The following SDK2 variants were observed in gnomAD, a reference collection of about 807,000 sequenced individuals.
SDK2 encodes sidekick cell adhesion molecule 2.
SDK2 carries 105 observed loss-of-function variants against 253.9 expected under a neutral mutation model. That is an observed-to-expected ratio of 0.41 (90% confidence interval 0.35 to 0.49). The LOEUF (loss-of-function observed/expected upper bound fraction) is 0.49. SDK2 is among the 20% of genes least tolerant of loss of function. The pLI is 0.06. For synonymous variants in SDK2, 1,249 were observed against 1,234.9 expected (o/e 1.01, Z -0.24); for missense variants, 2,608 against 3,003.0 (o/e 0.87, Z 3.07).
chr17:73,538,899 C>T (rs2044822208), intron 1 of SDK2, among the ~76,000 whole-genome samples: 2 of 152,176 alleles, frequency 1.3e-5, no homozygotes, highest in African/African-American at 2.4e-5. Context: ...GACTCCCTTG[C>T]CTTGGGCCTA....
intron 1 of SDK2, among the ~76,000 whole-genome samples, chr17:73,516,280 G>GGGAGAT (rs1395863941): frequency 1.8e-4 from 27 of 152,242 alleles, no homozygotes; most frequent in Admixed American, 5.9e-4. Flanking sequence ...AAACCCAGGT[G>GGGAGAT]GGAGATGGTA....
In SDK2 at chr17:73,507,549, T is replaced by G. The variant is rs780537294; in HGVS notation, c.113A>C (p.His38Pro). 3.2e-6 allele frequency: 5 copies of G among 1,551,714 alleles called. No individual in the cohort carries two copies. In the South Asian group the frequency reaches 5.9e-5, roughly 18 times the overall value. Residue 38 changes from histidine (H) to proline (P), a missense_variant, in exon 2 of 45, where the codon CAC becomes CCC. Physicochemically the swap from His to Pro is moderately conservative, Grantham distance 77. Coordinates refer to ENST00000392650, the MANE Select transcript of SDK2 (RefSeq NM_001144952.2). ...FKTEPVRTQV[H>P]LEGNRLVLTC... is the part of the protein sequence containing the mutation. ...AAGCACCAGGCGGTTTCCTTCCAAG[T>G]GCACCTGTGTCCGCACAGGCTCTGT... is the stretch of plus-strand genomic sequence containing the variant.
At chr17:73,504,631 CAAAAAAAAAA>C (rs146981971) in intron 2 of SDK2, among the ~76,000 whole-genome samples, 2 of 47,030 alleles carry the variant, frequency 4.3e-5, no homozygotes, top group South Asian at 9.5e-4. Context: ...GACTCTGTCT[CAAAAAAAAAA>C]AAAAAAAAAA....
chr17:73,449,717 T>C (rs1267548804), intron 4 of SDK2, among the ~76,000 whole-genome samples: 1 of 150,654 alleles, frequency 6.6e-6, no homozygotes, highest in Non-Finnish European at 1.5e-5. Flanking sequence ...GGTCGGGGGT[T>C]CGAGACCATA....
At position 73,402,094 on chromosome 17, in the gene SDK2, G is replaced by T; in HGVS notation, c.2532C>A (p.Thr844=). ...TGCTGTCTTGAAAGTTAGGCCGGGC[G>T]GTCACCATGGTAACCTCCTCTTCCT... ...PEQEEEVTMV[T]ARPNFQDSIH... Residue 844 remains threonine, a synonymous_variant, in exon 19 of 45, where the codon ACC becomes ACA. Transcript: ENST00000392650. 6.2e-7 allele frequency: 1 copy of T among 1,614,018 alleles called. No individual in the cohort carries two copies. The highest frequency in any genetic ancestry group is 1.3e-5 in the African/African-American group (1 of 75,062).
intron 16 of SDK2, 89 bp from the exon 17 acceptor site, chr17:73,416,081 A>T: frequency 8.0e-7 from 1 of 1,246,850 alleles, no homozygotes; most frequent in Non-Finnish European, 1.1e-6. Flanking sequence ...GCTGTCCAAT[A>T]GGACTTCCGG....
intron 4 of SDK2, among the ~76,000 whole-genome samples, chr17:73,453,668 C>T (rs1030409569): frequency 1.3e-5 from 2 of 152,146 alleles, no homozygotes; most frequent in African/African-American, 4.8e-5. Context: ...TGAGCCACTG[C>T]ACCTGGCCCA....
chr17:73,597,618 TTC>T (rs2045778170), intron 1 of SDK2, among the ~76,000 whole-genome samples: 1 of 151,996 alleles, frequency 6.6e-6, no homozygotes, highest in Non-Finnish European at 1.5e-5. Context: ...CATAGGAGTT[TTC>T]ACTGTGTGCT....
chr17:73,489,253 C>T lies in SDK2; in HGVS notation c.225-17035G>A, dbSNP rs547043930. Reference sequence around the variant, plus strand: ...TCCATTCATTTCCTGTTGCTACCCACGAAGACAATAGTGGTCAGTTCCCTG... The same window carrying T: ...TCCATTCATTTCCTGTTGCTACCCATGAAGACAATAGTGGTCAGTTCCCTG... On this transcript the variant is annotated intron_variant, in intron 2 of 44. Coordinates refer to ENST00000392650, the MANE Select transcript of SDK2 (RefSeq NM_001144952.2). 2.8e-4 allele frequency among the ~76,000 whole-genome samples: 42 copies of T among 152,276 alleles called. No individual in the cohort carries two copies. The Middle Eastern group carries it at 0.014, about 49-fold the overall frequency.
In SDK2 at chr17:73,393,611, C is replaced by T. The variant is rs756858098; in HGVS notation, c.3847G>A (p.Gly1283Arg). Residue 1283 changes from glycine (G) to arginine (R), a missense_variant, in exon 27 of 45, where the codon GGG (glycine) becomes AGG (arginine). By Grantham distance (125) the Gly-to-Arg change is moderately radical. This residue lies in a region of SDK2 where 1,505 missense variants were observed against 1,859.1 expected (regional missense o/e 0.81). Transcript: ENST00000392650. ...EVQVLAFTRIGDGSPSHPPIL... is the reference protein window; with the variant it reads ...EVQVLAFTRIRDGSPSHPPIL... ...GGAGGGTGGCTGGGGCTGCCGTCCC[C>T]GATGCGTGTGAAGGCCAGCACCTGG... 4.4e-6 allele frequency: 7 copies of T among 1,587,064 alleles called. No homozygotes were observed. The highest frequency in any genetic ancestry group is 6.0e-6 in the Non-Finnish European group (7 of 1,160,894).
At position 73,395,782 on chromosome 17, in the gene SDK2, G is replaced by A. The variant is rs1053746513; in HGVS notation, c.3355-390C>T. Among the ~76,000 whole-genome samples, 11 of 152,172 alleles carry A rather than the reference G, an allele frequency of 7.2e-5. No homozygotes were observed. Among genetic ancestry groups the A allele is most frequent in the Non-Finnish European group, 1.3e-4 (9 of 68,034 alleles). On this transcript the variant is annotated intron_variant, in intron 24 of 44. Coordinates refer to ENST00000392650, the MANE Select transcript of SDK2 (RefSeq NM_001144952.2). The surrounding 1 kb of genome is among the most constrained non-coding windows in gnomAD (Gnocchi z 4.3). ...GCCAGCACACACTTAATTGCCTACCGCACCTGGTCTCAGCTCATGCCTGCC... is the reference window on the plus strand; with the variant it reads ...GCCAGCACACACTTAATTGCCTACCACACCTGGTCTCAGCTCATGCCTGCC...
rs1460153269 is a variant in SDK2, at chr17:73,390,383, T to C, written c.4096A>G (p.Lys1366Glu). The C allele has an allele frequency of 6.2e-7, 1 of 1,612,768 alleles. No homozygotes were observed. Among genetic ancestry groups the C allele is most frequent in the Non-Finnish European group, 8.5e-7 (1 of 1,179,688 alleles). The change falls in exon 29 of 45, where the codon AAG becomes GAG. Residue 1366 changes from lysine to glutamate, a missense_variant. This residue lies in a region of SDK2 where 1,103 missense variants were observed against 1,143.9 expected (regional missense o/e 0.96). Coordinates refer to ENST00000392650, the MANE Select transcript of SDK2 (RefSeq NM_001144952.2). ...CGGAACAGGTAGACAGACTCTGGCTTGAGGCCCGTGGCTGTGTACTGCCGG... is the reference window on the plus strand; with the variant it reads ...CGGAACAGGTAGACAGACTCTGGCTCGAGGCCCGTGGCTGTGTACTGCCGG... ...SARQYTATGL[K>E]PESVYLFRIT... is the part of the protein sequence containing the mutation.
intron 4 of SDK2, among the ~76,000 whole-genome samples, chr17:73,453,370 GTT>G (rs34814268): frequency 2.1e-5 from 3 of 141,238 alleles, no homozygotes; most frequent in African/African-American, 7.9e-5. Context: ...CTGAGCTGGG[GTT>G]TTTTTTTTTT....
intron 36 of SDK2, among the ~76,000 whole-genome samples, chr17:73,378,464 G>C (rs2062802218): frequency 6.6e-6 from 1 of 151,396 alleles, no homozygotes; most frequent in Non-Finnish European, 1.5e-5. Context: ...CTATTGCTCA[G>C]GCTGGAGTGC....
intron 18 of SDK2, among the ~76,000 whole-genome samples, chr17:73,409,135 T>A (rs1452192060): frequency 1.3e-5 from 2 of 152,080 alleles, no homozygotes; most frequent in African/African-American, 4.8e-5. Context: ...GGGATACAGG[T>A]GTTCACTGCA....
Position 73,379,561 on chromosome 17 carries a change from A to T in SDK2, c.4763-12T>A. The T allele has an allele frequency of 6.4e-7, 1 of 1,557,068 alleles. No individual in the cohort carries two copies. The highest frequency in any genetic ancestry group is 8.8e-7 in the Non-Finnish European group (1 of 1,136,082). On this transcript the variant is annotated splice_polypyrimidine_tract_variant and intron_variant, in intron 34 of 44. Coordinates refer to ENST00000392650, the MANE Select transcript of SDK2 (RefSeq NM_001144952.2). The surrounding 1 kb of genome is among the most constrained non-coding windows in gnomAD (Gnocchi z 4.5). ...GTGCTTGTTCAGGTCTGTGGGGGAG[A>T]GTGGGGGAGGGGAAGCACACTGAGG...
chr17:73,451,662 A>C (rs2063490635), intron 4 of SDK2, among the ~76,000 whole-genome samples: 1 of 152,190 alleles, frequency 6.6e-6, no homozygotes, highest in Non-Finnish European at 1.5e-5. Context: ...TCTTAAACAC[A>C]GAGTGGAACA....
intron 12 of SDK2, among the ~76,000 whole-genome samples, chr17:73,429,439 C>T (rs1599557952): frequency 6.6e-6 from 1 of 152,190 alleles, no homozygotes; most frequent in African/African-American, 2.4e-5. Context: ...AAACTGGGGC[C>T]GCTGATATGT....
intron 40 of SDK2, among the ~76,000 whole-genome samples, chr17:73,355,056 ACCC>A (rs1173229096): frequency 6.7e-6 from 1 of 149,484 alleles, no homozygotes; most frequent in East Asian, 2.0e-4. Flanking sequence ...GGCCATGGGG[ACCC>A]AGTCTACATC....
Sources: allele counts gnomAD v4.1 joint callset (sites outside exome capture counted in the v4.1 genomes callset), GRCh38; gene constraint gnomAD v4.1.1; regional missense constraint gnomAD v4.1.1; non-coding constraint Gnocchi (gnomAD v3.1); transcripts MANE v1.5; gene names NCBI Gene and HGNC (gene_info 2026-07-23, HGNC 2026-07-21).